The following RNF41 variants were observed in gnomAD, a reference collection of about 807,000 sequenced individuals.
RNF41 encodes ring finger protein 41.
A neutral mutation model predicts 33.0 loss-of-function variants in RNF41; 4 were observed. The observed-to-expected ratio is 0.12, with a 90% CI of 0.06 to 0.28. RNF41 has a LOEUF of 0.28. Ranked by LOEUF, RNF41 falls within the 10% of genes least tolerant of loss-of-function variation. The pLI, the probability that RNF41 is intolerant of heterozygous loss-of-function variation, is 1.00. For missense variants in RNF41, 228 were observed against 432.6 expected (o/e 0.53, Z 4.19); for synonymous variants, 164 against 153.2 (o/e 1.07, Z -0.52).
chr12:56,207,530 G>T, intron 6 of RNF41, 116 bp downstream of exon 6: 2 of 849,082 alleles, frequency 2.4e-6, no homozygotes, highest in Non-Finnish European at 2.0e-6. Context: ...TATCTGAGAA[G>T]CAGTGACCCC....
At chr12:56,214,166 C>A in intron 2 of RNF41, 96 bp from the exon 3 acceptor site, 2 of 736,848 alleles carry the variant, frequency 2.7e-6, no homozygotes, top group South Asian at 3.1e-5. Context: ...ATTTATCCAA[C>A]AAATATTTAC....
rs190702542 is a variant in RNF41, at chr12:56,203,477, C to T, written c.*2970G>A. 22 of 150,632 alleles carry T rather than the reference C, an allele frequency of 1.5e-4. No individual in the cohort carries two copies. Among genetic ancestry groups the T allele is most frequent in the African/African-American group, 5.2e-4 (21 of 40,752 alleles). 9.3% of individuals were successfully genotyped at this position (150,632 alleles called of 1,614,324 possible). ...AGTGCAGTGGCGTGATCTCAGCTCA[C>T]TGCAAGCTCCGCCTCCCAGGTTCAC... On this transcript the variant is annotated 3_prime_UTR_variant, in exon 7 of 7. Transcript: ENST00000345093.
rs546309610 is a variant in RNF41 at position 56,219,213 on chromosome 12, A to G, written c.-209+2547T>C. 1.6e-3 allele frequency among the ~76,000 whole-genome samples: 241 copies of G among 146,490 alleles called. 2 individuals are homozygous for G. The highest frequency in any genetic ancestry group is 5.8e-3 in the African/African-American group (232 of 40,022). On this transcript the variant is annotated intron_variant, in intron 1 of 6. Transcript: ENST00000345093. Reference sequence around the variant, plus strand: ...TTTATTTATTTATTTTTTTTTTGAGACGGAGTCTGGCTCTGTCACCCAGGC... The same window carrying G: ...TTTATTTATTTATTTTTTTTTTGAGGCGGAGTCTGGCTCTGTCACCCAGGC...
Position 56,210,482 on chromosome 12 carries a change from A to G in RNF41, c.177T>C (p.Val59=), listed in dbSNP as rs749471623. 6.2e-7 allele frequency: 1 copy of G among 1,614,198 alleles called. No homozygotes were observed. The highest frequency in any genetic ancestry group is 1.1e-5 in the South Asian group (1 of 91,090). Residue 59 remains valine (V), a synonymous_variant, in exon 4 of 7, where the codon GTT becomes GTC. Coordinates refer to ENST00000345093, the MANE Select transcript of RNF41 (RefSeq NM_005785.4). ...CTGGGCGCAGATGGGCGACCGTCACAACACTACGGTCCACTGGACATGTCT... is the reference window on the plus strand; with the variant it reads ...CTGGGCGCAGATGGGCGACCGTCACGACACTACGGTCCACTGGACATGTCT... ...QQQTCPVDRS[V]VTVAHLRPVP...
At chr12:56,217,984 C>T (rs368115977) in intron 1 of RNF41, among the ~76,000 whole-genome samples, 3 of 152,102 alleles carry the variant, frequency 2.0e-5, no homozygotes, top group East Asian at 3.9e-4. Flanking sequence ...GATAGAGTCT[C>T]GCTCTGTCAC....
In RNF41 at chr12:56,212,897, G is replaced by C. The variant is rs888249572; in HGVS notation, c.90+1061C>G. On this transcript the variant is annotated intron_variant, in intron 3 of 6. Transcript: ENST00000345093. ...TCTCTAGATAGCCAGGAAAGAGAAA[G>C]GATTAATTGGTATTTACAGAATGAG... The C allele has an allele frequency of 2.9e-5, 25 of 857,316 alleles. No individual in the cohort carries two copies. In the Admixed American group the frequency reaches 5.1e-4, roughly 17 times the overall value. The allele number at this position is 857,316 out of a possible 1,614,324, so 53.1% of individuals were successfully genotyped here. A position where few individuals can be genotyped will look rare whatever the true frequency, so the allele number is the denominator to read the frequency against.
At chr12:56,214,645 A>G (rs759906938) in intron 2 of RNF41, among the ~76,000 whole-genome samples, 6 of 152,032 alleles carry the variant, frequency 3.9e-5, no homozygotes, top group Non-Finnish European at 8.8e-5. Flanking sequence ...CCTGGCCAAC[A>G]TGATGAAAAC....
At chr12:56,218,196 C>T (rs1420460702) in intron 1 of RNF41, among the ~76,000 whole-genome samples, 2 of 150,844 alleles carry the variant, frequency 1.3e-5, no homozygotes, top group Non-Finnish European at 2.9e-5. Flanking sequence ...TCAGGTGATC[C>T]ACCCGCCTCA....
rs1878669327 is a variant in RNF41 at position 56,203,243 on chromosome 12, G to C, written c.*3204C>G. The stretch of plus-strand genomic sequence containing the variant: ...TCTGTCACCAGGCTGGAGTGCAGTG[G>C]CATGATCTCAGCTCACTGCAACCTC... On this transcript the variant is annotated 3_prime_UTR_variant, in exon 7 of 7. Transcript: ENST00000345093. 6.6e-6 allele frequency: 1 copy of C among 151,972 alleles called. No homozygotes were observed. Among genetic ancestry groups the C allele is most frequent in the Admixed American group, 6.6e-5 (1 of 15,236 alleles). The allele number at this position is 151,972 out of a possible 1,614,324, so 9.4% of individuals were successfully genotyped here.
chr12:56,215,329 A>G (rs1203343765), intron 2 of RNF41, among the ~76,000 whole-genome samples: 1 of 152,198 alleles, frequency 6.6e-6, no homozygotes, highest in South Asian at 2.1e-4. Flanking sequence ...TAGAATCAGT[A>G]TGTTAACAGG....
At chr12:56,216,196 G>GA (rs916349673) in intron 2 of RNF41, among the ~76,000 whole-genome samples, 18 of 150,850 alleles carry the variant, frequency 1.2e-4, no homozygotes, top group South Asian at 2.1e-4. Context: ...GAGTACATAG[G>GA]AAAAAAAACA....
At chr12:56,218,493 G>A (rs911154269) in intron 1 of RNF41, among the ~76,000 whole-genome samples, 8 of 151,042 alleles carry the variant, frequency 5.3e-5, no homozygotes, top group Non-Finnish European at 1.2e-4. Flanking sequence ...GAACTCCTGG[G>A]CAGGCTCCAG....
intron 1 of RNF41, among the ~76,000 whole-genome samples, chr12:56,219,643 A>G (rs541965531): frequency 1.5e-4 from 7 of 46,112 alleles, no homozygotes; most frequent in Non-Finnish European, 2.4e-4. Flanking sequence ...AGGTGTATAT[A>G]TGTGTGTGTG....
intron 2 of RNF41, among the ~76,000 whole-genome samples, chr12:56,215,173 G>A (rs991251827): frequency 1.3e-5 from 2 of 152,210 alleles, no homozygotes; most frequent in Non-Finnish European, 2.9e-5. Context: ...CCTGAGAGGT[G>A]GGAGGGAGGG....
intron 1 of RNF41, among the ~76,000 whole-genome samples, chr12:56,217,312 C>T (rs914182763): frequency 2.6e-5 from 4 of 151,880 alleles, no homozygotes; most frequent in South Asian, 2.1e-4. Context: ...TTTGGGAGGC[C>T]GAGGCGGGTG....
At chr12:56,212,865 G>T in intron 3 of RNF41, 1 of 653,918 alleles carries the variant, frequency 1.5e-6, no homozygotes, top group Non-Finnish European at 2.3e-6. Context: ...TTTGGAAAAT[G>T]TGATAATCTC....
chr12:56,210,129 G>C (rs1453591733), intron 4 of RNF41, 168 bp downstream of exon 4: 17 of 675,880 alleles, frequency 2.5e-5, no homozygotes, highest in Non-Finnish European at 3.7e-5. Flanking sequence ...ATTATAGTTG[G>C]AAAAGCAGCA....
In RNF41 at chr12:56,207,234, C is replaced by G. The variant is rs556715717; in HGVS notation, c.602+412G>C. 7.5e-6 allele frequency: 10 copies of G among 1,326,892 alleles called. No individual in the cohort carries two copies. In the South Asian group the frequency reaches 8.6e-5, roughly 11 times the overall value. The allele number at this position is 1,326,892 out of a possible 1,614,324, so 82.2% of individuals were successfully genotyped here. On this transcript the variant is annotated intron_variant, in intron 6 of 6. Transcript: ENST00000345093. Reference sequence around the variant, plus strand: ...GATCTTAGACTTCACTTGTATACTTCGCTTGTTTTTGCTGCATTTTAGAGA... The same window carrying G: ...GATCTTAGACTTCACTTGTATACTTGGCTTGTTTTTGCTGCATTTTAGAGA...
intron 1 of RNF41, among the ~76,000 whole-genome samples, chr12:56,221,014 A>T (rs1869367735): frequency 6.6e-6 from 1 of 152,160 alleles, no homozygotes; most frequent in African/African-American, 2.4e-5. Context: ...CCCCAAGAAC[A>T]GTGGCCTCAA....
Sources: allele counts gnomAD v4.1 joint callset (sites outside exome capture counted in the v4.1 genomes callset), GRCh38; gene constraint gnomAD v4.1.1; transcripts MANE v1.5; gene names NCBI Gene and HGNC (gene_info 2026-07-23, HGNC 2026-07-21).